Variants in AXIN1 observed in about 807,000 individuals in gnomAD.
The protein encoded by AXIN1 is axin-1.
A neutral mutation model predicts 76.4 loss-of-function variants in AXIN1; 30 were observed. That is an observed-to-expected ratio of 0.39 (90% confidence interval 0.29 to 0.53). AXIN1 has a LOEUF of 0.53. AXIN1 is among the 20% of genes least tolerant of loss of function. The pLI, the probability that AXIN1 is intolerant of heterozygous loss-of-function variation, is 0.66. For missense variants in AXIN1, 1,140 were observed against 1,198.8 expected, an observed-to-expected ratio of 0.95 and a Z score of 0.72; for synonymous variants, 545 against 501.4, an observed-to-expected ratio of 1.09 and a Z score of -1.16.
intron 2 of AXIN1, among the ~76,000 whole-genome samples, chr16:334,284 G>C (rs531521131): frequency 6.1e-5 from 9 of 147,354 alleles, no homozygotes. Flanking sequence ...ACAGCACCCA[G>C]TACCACAGCA....
intron 2 of AXIN1, among the ~76,000 whole-genome samples, chr16:320,383 G>T (rs1384180964): frequency 3.9e-5 from 6 of 152,084 alleles, no homozygotes; most frequent in Admixed American, 3.9e-4. Flanking sequence ...CTGCAAAGGG[G>T]TAAATGCTTT....
chr16:342,635 G>A (rs556717971), intron 2 of AXIN1, among the ~76,000 whole-genome samples: 8 of 152,316 alleles, frequency 5.3e-5, no homozygotes, highest in Admixed American at 2.6e-4. Context: ...AGCCCCCAGC[G>A]CACGCACCGT....
At chr16:320,743 A>ATATATTTTTT (rs397722732) in intron 2 of AXIN1, among the ~76,000 whole-genome samples, 19 of 107,622 alleles carry the variant, frequency 1.8e-4, no homozygotes, top group African/African-American at 3.2e-4. Flanking sequence ...ATATATATAT[A>ATATATTTTTT]TTTTTTTTTT....
At chr16:351,873 G>A (rs1387464765) in intron 1 of AXIN1, among the ~76,000 whole-genome samples, 2 of 152,136 alleles carry the variant, frequency 1.3e-5, no homozygotes, top group Admixed American at 6.5e-5. Context: ...CTGGTTTCAC[G>A]GGGGCTAAAT....
chr16:297,273 G>A (rs2141504990), intron 6 of AXIN1, 47 bp from the exon 7 acceptor site: 6 of 1,598,750 alleles, frequency 3.8e-6, no homozygotes, highest in South Asian at 1.1e-5. Flanking sequence ...GGTGGCCGAG[G>A]CTGTGCCCCT....
chr16:314,225 T>C (rs1165852153), intron 3 of AXIN1, among the ~76,000 whole-genome samples: 2 of 152,174 alleles, frequency 1.3e-5, no homozygotes, highest in African/African-American at 2.4e-5. Flanking sequence ...GACACAAAGC[T>C]GAGCCCTCAC....
In AXIN1 at chr16:291,198, G is replaced by T. The variant is rs199768094; in HGVS notation, c.2286C>A (p.Ser762=). The T allele has an allele frequency of 6.3e-7, 1 of 1,584,338 alleles. No individual in the cohort carries two copies. The highest frequency in any genetic ancestry group is 8.6e-7 in the Non-Finnish European group (1 of 1,165,988). ...CCTCAGGACGCACGTACTCTGTCTC[G>T]GAGAGCTCCATGTCCGACACGGCTG... ...VVPAVSDMEL[S]ETETRSQRKV... Residue 762 remains serine (S), a synonymous_variant, in exon 9 of 11, where the codon TCC becomes TCA. Coordinates refer to ENST00000262320, the MANE Select transcript of AXIN1 (RefSeq NM_003502.4).
intron 2 of AXIN1, among the ~76,000 whole-genome samples, chr16:342,333 G>C (rs1015070935): frequency 3.9e-5 from 6 of 152,114 alleles, no homozygotes; most frequent in African/African-American, 7.2e-5. Flanking sequence ...TCACGGCAAG[G>C]GTCCGCGGCT....
rs755837370 is a variant in AXIN1, at chr16:310,051, G to A, written c.1038C>T (p.Tyr346=). 2 of 1,612,248 alleles carry A rather than the reference G, an allele frequency of 1.2e-6. No homozygotes were observed. Among genetic ancestry groups the A allele is most frequent in the Admixed American group, 3.3e-5 (2 of 59,920 alleles). ...TDSSVDGIPP[Y]RIRKQHRREM... is the part of the protein sequence containing the mutation. ...CCCTGCGGTGCTGCTTACGGATCCTGTATGGGGGGATCCCATCCCTGTCCA... is the reference window on the plus strand; with the variant it reads ...CCCTGCGGTGCTGCTTACGGATCCTATATGGGGGGATCCCATCCCTGTCCA... The change falls in exon 4 of 11, where the codon TAC becomes TAT. Residue 346 remains tyrosine, a synonymous_variant. Transcript: ENST00000262320.
chr16:301,136 T>C (rs2052859890), intron 5 of AXIN1, among the ~76,000 whole-genome samples: 1 of 151,840 alleles, frequency 6.6e-6, no homozygotes, highest in South Asian at 2.1e-4. Context: ...CCGGGCGTGA[T>C]GGTGGGCGCC....
intron 1 of AXIN1, among the ~76,000 whole-genome samples, chr16:351,234 C>T (rs575688415): frequency 3.3e-5 from 5 of 151,936 alleles, no homozygotes; most frequent in South Asian, 2.1e-4. Context: ...CAAGTAAGCT[C>T]GAGATTCTTC....
intron 5 of AXIN1, among the ~76,000 whole-genome samples, chr16:303,906 C>T (rs1192391105): frequency 6.6e-6 from 1 of 152,232 alleles, no homozygotes; most frequent in African/African-American, 2.4e-5. Flanking sequence ...CCCGACTGCA[C>T]GCCACTAGCC....
chr16:307,829 C>T (rs921895952), intron 4 of AXIN1, among the ~76,000 whole-genome samples: 3 of 152,216 alleles, frequency 2.0e-5, no homozygotes, highest in African/African-American at 7.2e-5. Context: ...GCTAGCTTAT[C>T]GGCTTCCTGG....
intron 3 of AXIN1, among the ~76,000 whole-genome samples, chr16:312,516 A>C (rs1403801055): frequency 1.3e-5 from 2 of 152,216 alleles, no homozygotes. Context: ...GGGAAACCAG[A>C]TGCTAGGATG....
chr16:341,722 C>G lies in AXIN1; in HGVS notation c.878+4426G>C, dbSNP rs947540040. Among the ~76,000 whole-genome samples the G allele has an allele frequency of 2.0e-5, 3 of 152,240 alleles. No homozygotes were observed. The East Asian group carries it at 5.8e-4, about 29-fold the overall frequency. The stretch of plus-strand genomic sequence containing the variant: ...GCTGGGCTCCTGATTCTGGTGGGGA[C>G]GTGGAGAACCTTTATGTCTAGCTCA... On this transcript the variant is annotated intron_variant, in intron 2 of 10. Coordinates refer to ENST00000262320, the MANE Select transcript of AXIN1 (RefSeq NM_003502.4).
intron 4 of AXIN1, among the ~76,000 whole-genome samples, chr16:309,245 A>C (rs1019281218): frequency 2.0e-5 from 3 of 151,938 alleles, no homozygotes; most frequent in Admixed American, 2.0e-4. Context: ...CAGGAGAATG[A>C]CGTGAACCCG....
Position 292,907 on chromosome 16 carries a change from C to T in AXIN1, c.2186+581G>A, listed in dbSNP as rs185079762. 469 of 124,558 alleles carry T rather than the reference C, an allele frequency of 3.8e-3. 2 individuals carry two copies. The highest frequency in any genetic ancestry group is 3.0e-3 in the Non-Finnish European group (179 of 59,316). The allele number at this position is 124,558 out of a possible 1,614,324, so 7.7% of individuals were successfully genotyped here. On this transcript the variant is annotated intron_variant, in intron 8 of 10. Transcript: ENST00000262320. ...GCAGTGAGGAGGGCTGTGGGCTGGA[C>T]GTCCCGGATGAGAGAAGGGCACAGT...
intron 2 of AXIN1, among the ~76,000 whole-genome samples, chr16:342,494 G>A (rs1438599353): frequency 6.6e-6 from 1 of 152,172 alleles, no homozygotes; most frequent in Non-Finnish European, 1.5e-5. Context: ...CGCCTGTTCA[G>A]TACCCACTCT....
Position 293,828 on chromosome 16 carries a change from T to A in AXIN1, c.1956-110A>T, listed in dbSNP as rs2052635346. ...AGCCTCCTTGAGGGATAGGATGGGA[T>A]GGGGCACTGGGGCCTGGCCACCAAG... On this transcript the variant is annotated intron_variant, in intron 7 of 10. Transcript: ENST00000262320. The surrounding 1 kb of genome is among the most constrained non-coding windows in gnomAD (Gnocchi z 4.6). 4 of 1,045,702 alleles carry A rather than the reference T, an allele frequency of 3.8e-6. No individual in the cohort carries two copies. The highest frequency in any genetic ancestry group is 2.4e-5 in the East Asian group (1 of 41,906). The allele number at this position is 1,045,702 out of a possible 1,614,324, so 64.8% of individuals were successfully genotyped here.
Sources: gnomAD v4.1 joint callset for allele counts (sites outside exome capture counted in the v4.1 genomes callset) on GRCh38, gnomAD v4.1.1 for gene constraint, Gnocchi (gnomAD v3.1) non-coding constraint, MANE v1.5 for transcripts, NCBI Gene and HGNC (gene_info 2026-07-23, HGNC 2026-07-21) for gene names.